The following RAB18 variants were observed in gnomAD, a reference collection of about 807,000 sequenced individuals.
RAB18 encodes ras-related protein Rab-18.
In RAB18, 10 loss-of-function variants were observed where a neutral mutation model predicts 28.5. The observed-to-expected ratio is 0.35, with a 90% CI of 0.22 to 0.60. The LOEUF is 0.60. RAB18 is among the 20% of genes least tolerant of loss of function. The probability of loss-of-function intolerance (pLI) is 0.78; values close to 1 mark genes in which losing one functional copy is unlikely to be tolerated. For missense variants in RAB18, 188 were observed against 244.2 expected (o/e 0.77, Z 1.53); for synonymous variants, 93 against 86.9 (o/e 1.07, Z -0.39).
intron 1 of RAB18, among the ~76,000 whole-genome samples, chr10:27,507,675 A>C: frequency 6.6e-6 from 1 of 151,220 alleles, no homozygotes; most frequent in Non-Finnish European, 1.5e-5. Context: ...TTCCATCTCT[A>C]CTTCTGCATG....
chr10:27,511,243 G>C (rs1037015698), intron 2 of RAB18, among the ~76,000 whole-genome samples: 7 of 152,008 alleles, frequency 4.6e-5, no homozygotes, highest in Middle Eastern at 3.2e-3. Context: ...TAGCTCTGTC[G>C]CTCAGGCTGA....
In RAB18 at chr10:27,509,940, T is replaced by A. The variant is rs1298686088; in HGVS notation, c.124+10T>A. ...CTTGCAGCAACAATAGGTAAGCCTG[T>A]GTTTAAAAATTCTATAGAAATGGCC... is the stretch of plus-strand genomic sequence containing the variant. On this transcript the variant is annotated intron_variant, in intron 2 of 6. Transcript: ENST00000356940. 1 of 1,603,650 alleles carries A rather than the reference T, an allele frequency of 6.2e-7. No individual in the cohort carries two copies.
At chr10:27,532,813 A>G (rs1469928505) in intron 4 of RAB18, among the ~76,000 whole-genome samples, 1 of 152,134 alleles carries the variant, frequency 6.6e-6, no homozygotes. Context: ...ACACATGTCA[A>G]TGAGAACGTA....
intron 6 of RAB18, among the ~76,000 whole-genome samples, chr10:27,536,081 CAA>C (rs375160249): frequency 8.6e-5 from 11 of 127,570 alleles, no homozygotes; most frequent in African/African-American, 1.2e-4. Flanking sequence ...GACTCTGTCT[CAA>C]AAAAAAAAAA....
chr10:27,504,846 C>T (rs1305730039), intron 1 of RAB18: 6 of 463,940 alleles, frequency 1.3e-5, no homozygotes, highest in South Asian at 5.0e-5. Context: ...GGAGACATAG[C>T]TTTCCCACTT....
chr10:27,509,542 T>A (rs1421828711), intron 1 of RAB18, among the ~76,000 whole-genome samples: 2 of 152,180 alleles, frequency 1.3e-5, no homozygotes, highest in Admixed American at 6.6e-5. Flanking sequence ...AAGCATGACA[T>A]GCTGCTAATA....
chr10:27,538,708 C>G lies in RAB18; in HGVS notation c.*657C>G. ...TCAGTTGCTTAACTGGAGTTTTAAT[C>G]CTGTGATATGTACATTGGATTCATG... On this transcript the variant is annotated 3_prime_UTR_variant, in exon 7 of 7. Coordinates refer to ENST00000356940, the MANE Select transcript of RAB18 (RefSeq NM_021252.5). 2.2e-6 allele frequency: 1 copy of G among 454,048 alleles called. No homozygotes were observed. 28.1% of individuals were successfully genotyped at this position (454,048 alleles called of 1,614,324 possible). A position where few individuals can be genotyped will look rare whatever the true frequency, so the allele number is the denominator to read the frequency against.
intron 3 of RAB18, among the ~76,000 whole-genome samples, chr10:27,529,511 G>A (rs967740971): frequency 6.6e-6 from 1 of 151,830 alleles, no homozygotes; most frequent in Admixed American, 6.6e-5. Context: ...TACTCATCAT[G>A]ACCTTGTTTT....
chr10:27,512,769 A>G (rs953604689), intron 2 of RAB18, among the ~76,000 whole-genome samples: 2 of 152,176 alleles, frequency 1.3e-5, no homozygotes, highest in Admixed American at 6.5e-5. Context: ...AGGAATGAAC[A>G]TACATATAAT....
Position 27,539,011 on chromosome 10 carries a change from T to C in RAB18, c.*960T>C, listed in dbSNP as rs1834963149. 1 of 429,834 alleles carries C rather than the reference T, an allele frequency of 2.3e-6. No individual in the cohort carries two copies. Among genetic ancestry groups the C allele is most frequent in the Non-Finnish European group, 4.7e-6 (1 of 213,134 alleles). The allele number at this position is 429,834 out of a possible 1,614,324, so 26.6% of individuals were successfully genotyped here. A position where few individuals can be genotyped will look rare whatever the true frequency, so the allele number is the denominator to read the frequency against. ...TTTGAGGGGTGGGGAAAAAAAACAC[T>C]AAGTGATAATTTGAAAAAGGCATAT... On this transcript the variant is annotated 3_prime_UTR_variant, in exon 7 of 7. Coordinates refer to ENST00000356940, the MANE Select transcript of RAB18 (RefSeq NM_021252.5).
intron 1 of RAB18, among the ~76,000 whole-genome samples, chr10:27,509,524 G>T (rs1834282869): frequency 1.3e-5 from 2 of 151,964 alleles, no homozygotes; most frequent in Admixed American, 1.3e-4. Flanking sequence ...TTTCATCTAT[G>T]TCAGTTAAAG....
At chr10:27,505,364 T>G (rs1837796375) in intron 1 of RAB18, among the ~76,000 whole-genome samples, 1 of 152,186 alleles carries the variant, frequency 6.6e-6, no homozygotes, top group Admixed American at 6.5e-5. Context: ...CAGTTTCATA[T>G]TTTAGCTATA....
At chr10:27,534,935 A>G (rs973094134) in intron 6 of RAB18, among the ~76,000 whole-genome samples, 2 of 152,198 alleles carry the variant, frequency 1.3e-5, no homozygotes, top group South Asian at 2.1e-4. Context: ...AGTTTACCCA[A>G]TATTTATTGA....
At position 27,533,963 on chromosome 10, in the gene RAB18, A is replaced by T; in HGVS notation, c.414A>T (p.Lys138Asn). ...NREVDRNEGL[K>N]FARKHSMLFI... ...AAGTCGATAGAAATGAAGGCCTGAA[A>T]TTTGCACGAAAGCATTCCATGTTAT... Residue 138 changes from lysine (K) to asparagine (N), a missense_variant, in exon 6 of 7, where the codon AAA (lysine) becomes AAT (asparagine). By Grantham distance (94) the Lys-to-Asn change is moderately conservative. Coordinates refer to ENST00000356940, the MANE Select transcript of RAB18 (RefSeq NM_021252.5). The T allele has an allele frequency of 6.2e-7, 1 of 1,607,542 alleles. No homozygotes were observed. Among genetic ancestry groups the T allele is most frequent in the Non-Finnish European group, 8.5e-7 (1 of 1,174,206 alleles).
chr10:27,539,117 T>A lies in RAB18; in HGVS notation c.*1066T>A, dbSNP rs1230125424. 2 of 403,700 alleles carry A rather than the reference T, an allele frequency of 5.0e-6. No homozygotes were observed. The highest frequency in any genetic ancestry group is 1.8e-5 in the South Asian group (1 of 55,322). 25.0% of individuals were successfully genotyped at this position (403,700 alleles called of 1,614,324 possible). Reference sequence around the variant, plus strand: ...ATTTACTTAACAAGTAACCAGTAGTTCATCAAAACCAACTTGTACAGACTA... The same window carrying A: ...ATTTACTTAACAAGTAACCAGTAGTACATCAAAACCAACTTGTACAGACTA... On this transcript the variant is annotated 3_prime_UTR_variant, in exon 7 of 7. Transcript: ENST00000356940.
Position 27,526,882 on chromosome 10 carries a change from C to G in RAB18, c.179C>G (p.Ala60Gly). ...GTGGATGGAAATAAGGCTAAACTTG[C>G]AATATGGGTAAGAGTTTTTAAAATG... ...ISVDGNKAKLAIWDTAGQERF... is the reference protein window; with the variant it reads ...ISVDGNKAKLGIWDTAGQERF... Residue 60 changes from alanine (A) to glycine (G), a missense_variant, in exon 3 of 7, where the codon GCA becomes GGA. By Grantham distance (60) the Ala-to-Gly change is moderately conservative. Transcript: ENST00000356940. 3 of 1,612,446 alleles carry G rather than the reference C, an allele frequency of 1.9e-6. No homozygotes were observed. The highest frequency in any genetic ancestry group is 2.5e-6 in the Non-Finnish European group (3 of 1,178,856).
Position 27,531,542 on chromosome 10 carries a change from A to G in RAB18, c.187-965A>G, listed in dbSNP as rs1192547234. On this transcript the variant is annotated intron_variant, in intron 3 of 6. Transcript: ENST00000356940. ...ACTTTTCTTTAGGTTACTTTGCATCAGCAGACTGCAAACTTTTTCTTAAAG... is the reference window on the plus strand; with the variant it reads ...ACTTTTCTTTAGGTTACTTTGCATCGGCAGACTGCAAACTTTTTCTTAAAG... The G allele has an allele frequency of 2.0e-6, 3 of 1,484,532 alleles. No individual in the cohort carries two copies. The African/African-American group carries it at 4.2e-5, about 21-fold the overall frequency. The allele number at this position is 1,484,532 out of a possible 1,614,324, so 92.0% of individuals were successfully genotyped here. A position where few individuals can be genotyped will look rare whatever the true frequency, so the allele number is the denominator to read the frequency against.
rs1301979666 is a variant in RAB18 at position 27,538,333 on chromosome 10, A to G, written c.*282A>G. The G allele has an allele frequency of 1.5e-5, 8 of 533,256 alleles. No individual in the cohort carries two copies. The highest frequency in any genetic ancestry group is 2.1e-5 in the Non-Finnish European group (6 of 279,532). The allele number at this position is 533,256 out of a possible 1,614,324, so 33.0% of individuals were successfully genotyped here. ...TACATTTATCATGTAATTTTTAAAA[A>G]AATCCATCTATCTAGGATATGTTGA... On this transcript the variant is annotated 3_prime_UTR_variant, in exon 7 of 7. Coordinates refer to ENST00000356940, the MANE Select transcript of RAB18 (RefSeq NM_021252.5).
At chr10:27,509,609 C>T (rs1022543159) in intron 1 of RAB18, among the ~76,000 whole-genome samples, 1 of 152,086 alleles carries the variant, frequency 6.6e-6, no homozygotes, top group Non-Finnish European at 1.5e-5. Context: ...ACAAAAACCC[C>T]CACCTTTTGT....
Sources: allele counts gnomAD v4.1 joint callset (sites outside exome capture counted in the v4.1 genomes callset), GRCh38; gene constraint gnomAD v4.1.1; transcripts MANE v1.5; gene names NCBI Gene and HGNC (gene_info 2026-07-23, HGNC 2026-07-21).